The following IQGAP2 variants were observed in gnomAD, a reference collection of about 807,000 sequenced individuals.
IQGAP2 encodes ras GTPase-activating-like protein IQGAP2.
IQGAP2 carries 173 observed loss-of-function variants against 201.3 expected under a neutral mutation model. That is an observed-to-expected ratio of 0.86 (90% CI 0.76 to 0.98). The LOEUF is 0.98. Among genes scored for constraint, IQGAP2 ranks in the 50% least tolerant of loss-of-function variants. IQGAP2 has a pLI of 0.00. For synonymous variants in IQGAP2, 675 were observed against 673.9 expected (o/e 1.00, Z -0.03); for missense variants, 1,687 against 1,864.8 (o/e 0.90, Z 1.76).
chr5:76,680,618 C>T (rs141077636), intron 28 of IQGAP2, among the ~76,000 whole-genome samples: 10 of 151,190 alleles, frequency 6.6e-5, no homozygotes, highest in Admixed American at 3.3e-4. Flanking sequence ...GCCAGGAGTT[C>T]GTCGACAAAA....
At chr5:76,416,936 C>T (rs1445129212) in intron 1 of IQGAP2, among the ~76,000 whole-genome samples, 3 of 152,134 alleles carry the variant, frequency 2.0e-5, no homozygotes, top group African/African-American at 7.2e-5. Flanking sequence ...TCAAGTGATC[C>T]TCCTACCTCA....
chr5:76,642,682 C>T (rs765143268), intron 17 of IQGAP2, among the ~76,000 whole-genome samples: 1 of 152,140 alleles, frequency 6.6e-6, no homozygotes, highest in Non-Finnish European at 1.5e-5. Flanking sequence ...CTGAGAAGGT[C>T]CCCTACGTAA....
chr5:76,618,425 A>G (rs1392198321), intron 13 of IQGAP2: 1 of 1,614,104 alleles, frequency 6.2e-7, no homozygotes, highest in African/African-American at 1.3e-5. Context: ...GTATCAGTTT[A>G]GTACTTAAGG....
At position 76,702,717 on chromosome 5, in the gene IQGAP2, C is replaced by CG. The variant is rs1554088825; in HGVS notation, c.4614+127_4614+128insG. ...GAAAACCAGTGCCAGCCTTATTTGC[C>CG]AATATTTGTTAAGTGTTGATGATTT... On this transcript the variant is annotated intron_variant, in intron 35 of 35. Transcript: ENST00000274364. 5.1e-4 allele frequency: 296 copies of CG among 581,738 alleles called. 1 individual carries two copies. Among genetic ancestry groups the CG allele is most frequent in the Non-Finnish European group, 6.2e-4 (200 of 324,008 alleles). 36.0% of individuals were successfully genotyped at this position (581,738 alleles called of 1,614,324 possible).
intron 15 of IQGAP2, 109 bp downstream of exon 15, chr5:76,632,135 G>A (rs527342685): frequency 2.3e-5 from 22 of 947,084 alleles, no homozygotes; most frequent in Non-Finnish European, 3.0e-5. Flanking sequence ...TAACATTTCT[G>A]TAATTTTTTG....
Position 76,564,712 on chromosome 5 carries a change from A to T in IQGAP2, c.303+2160A>T, listed in dbSNP as rs560170010. 2.0e-5 allele frequency among the ~76,000 whole-genome samples: 3 copies of T among 152,356 alleles called. No homozygotes were observed. In the South Asian group the frequency reaches 6.2e-4, roughly 32 times the overall value. Reference sequence around the variant, plus strand: ...ATTCGCAATTTCTGGTTATGGAATAAAATACTTGCGGGGCGTAGGCAGGTG... The same window carrying T: ...ATTCGCAATTTCTGGTTATGGAATATAATACTTGCGGGGCGTAGGCAGGTG... On this transcript the variant is annotated intron_variant, in intron 3 of 35. Coordinates refer to ENST00000274364, the MANE Select transcript of IQGAP2 (RefSeq NM_006633.5).
chr5:76,677,170 T>A, intron 27 of IQGAP2, 48 bp from the exon 28 acceptor site: 1 of 1,567,244 alleles, frequency 6.4e-7, no homozygotes, highest in Non-Finnish European at 8.7e-7. Flanking sequence ...TGAAACTGTT[T>A]AATGCACATG....
At chr5:76,628,601 C>T (rs1164396189) in intron 14 of IQGAP2, 10 of 397,126 alleles carry the variant, frequency 2.5e-5, no homozygotes, top group Non-Finnish European at 5.0e-5. Flanking sequence ...TTTCACTAAC[C>T]TGCCAACTGA....
intron 16 of IQGAP2, among the ~76,000 whole-genome samples, chr5:76,639,966 C>G (rs998471886): frequency 6.6e-6 from 1 of 152,070 alleles, no homozygotes; most frequent in Non-Finnish European, 1.5e-5. Flanking sequence ...GCAGCAGCAT[C>G]GAAGATTTAA....
intron 17 of IQGAP2, among the ~76,000 whole-genome samples, chr5:76,644,638 A>G (rs385385): frequency 0.62 from 93,899 of 151,826 alleles, 29,211 homozygotes; most frequent in South Asian, 0.78. Context: ...AAGTTTCTTT[A>G]TATCAACTGT....
At chr5:76,675,580 A>G (rs1282990123) in intron 27 of IQGAP2, among the ~76,000 whole-genome samples, 1 of 152,130 alleles carries the variant, frequency 6.6e-6, no homozygotes, top group Non-Finnish European at 1.5e-5. Context: ...CTCCTCCTGG[A>G]GCTCTGAGGA....
intron 2 of IQGAP2, among the ~76,000 whole-genome samples, chr5:76,463,120 CT>C (rs1199588046): frequency 1.8e-5 from 1 of 54,634 alleles, no homozygotes. Flanking sequence ...GAGACGCTGT[CT>C]TTAAAAAAAA....
At chr5:76,404,964 C>T (rs1309432686) in intron 1 of IQGAP2, among the ~76,000 whole-genome samples, 2 of 152,192 alleles carry the variant, frequency 1.3e-5, no homozygotes, top group Admixed American at 6.5e-5. Flanking sequence ...ATGCTGTGCT[C>T]ATTCAGTGTT....
At chr5:76,706,349 TG>T (rs377382228) in intron 35 of IQGAP2, among the ~76,000 whole-genome samples, 1 of 152,020 alleles carries the variant, frequency 6.6e-6, no homozygotes, top group Admixed American at 6.6e-5. Context: ...TTTTTGTTTT[TG>T]TTTTTCGGGT....
At chr5:76,405,909 A>G (rs1229386683) in intron 1 of IQGAP2, among the ~76,000 whole-genome samples, 3 of 152,250 alleles carry the variant, frequency 2.0e-5, no homozygotes, top group Non-Finnish European at 4.4e-5. Flanking sequence ...TACCCCTAGC[A>G]TTTAAAAATA....
intron 1 of IQGAP2, among the ~76,000 whole-genome samples, chr5:76,441,216 T>A (rs772432500): frequency 6.6e-6 from 1 of 152,098 alleles, no homozygotes; most frequent in Non-Finnish European, 1.5e-5. Flanking sequence ...GTGTAAAGGG[T>A]TTAAGAGAAT....
chr5:76,622,040 A>G (rs1377031053), intron 13 of IQGAP2, among the ~76,000 whole-genome samples: 2 of 152,134 alleles, frequency 1.3e-5, no homozygotes, highest in Non-Finnish European at 2.9e-5. Context: ...CAGGCTGCTA[A>G]AAGCCTAAAA....
intron 20 of IQGAP2, among the ~76,000 whole-genome samples, chr5:76,655,711 TGCTGG>T (rs1752857905): frequency 6.6e-6 from 1 of 152,186 alleles, no homozygotes; most frequent in South Asian, 2.1e-4. Flanking sequence ...CCTCCCAAAG[TGCTGG>T]GATTACAGAT....
chr5:76,697,409 C>T (rs552325039), intron 32 of IQGAP2, among the ~76,000 whole-genome samples: 21 of 152,212 alleles, frequency 1.4e-4, no homozygotes, highest in South Asian at 6.2e-4. Flanking sequence ...TTCGGGAGGC[C>T]GAGGCGGGCA....
Sources: gnomAD v4.1 joint callset for allele counts (sites outside exome capture counted in the v4.1 genomes callset) on GRCh38, gnomAD v4.1.1 for gene constraint, MANE v1.5 for transcripts, NCBI Gene and HGNC (gene_info 2026-07-23, HGNC 2026-07-21) for gene names.